The following ADGRL2 variants were observed in gnomAD, a reference collection of about 807,000 sequenced individuals.
ADGRL2 encodes the protein adhesion G protein-coupled receptor L2, also known as calcium-independent alpha-latrotoxin receptor 2.
In ADGRL2, 44 loss-of-function variants were observed where a neutral mutation model predicts 157.4. The observed-to-expected ratio is 0.28, with a 90% CI of 0.22 to 0.36. The LOEUF (loss-of-function observed/expected upper bound fraction) is 0.36. ADGRL2 is among the 10% of genes least tolerant of loss of function. The probability of loss-of-function intolerance (pLI) is 1.00; values close to 1 mark genes in which losing one functional copy is unlikely to be tolerated. For synonymous variants in ADGRL2, 585 were observed against 624.7 expected (o/e 0.94, Z 0.95); for missense variants, 1,510 against 1,768.9 (o/e 0.85, Z 2.63).
chr1:81,525,462 C>T (rs149611319), intron 2 of ADGRL2, among the ~76,000 whole-genome samples: 174 of 152,224 alleles, frequency 1.1e-3, no homozygotes, highest in Admixed American at 3.0e-3. Context: ...GGATTGCAGG[C>T]GTGTGCCACC....
chr1:81,593,886 G>T (rs1470940257), intron 3 of ADGRL2, among the ~76,000 whole-genome samples: 2 of 152,116 alleles, frequency 1.3e-5, no homozygotes, highest in Non-Finnish European at 2.9e-5. Context: ...AAGGTAAAAT[G>T]ATGCCTAAAT....
chr1:81,655,159 C>T (rs987759061), intron 3 of ADGRL2, among the ~76,000 whole-genome samples: 9 of 152,124 alleles, frequency 5.9e-5, no homozygotes, highest in Admixed American at 4.6e-4. Flanking sequence ...CCACCACTCT[C>T]GGCTAATTGT....
At chr1:81,462,165 C>T (rs2077947914) in intron 2 of ADGRL2, among the ~76,000 whole-genome samples, 1 of 151,894 alleles carries the variant, frequency 6.6e-6, no homozygotes, top group African/African-American at 2.4e-5. Flanking sequence ...GGACCAATCA[C>T]ACTCTGTAAG....
At chr1:81,777,159 T>C (rs993059656) in intron 2 of ADGRL2, among the ~76,000 whole-genome samples, 4 of 152,234 alleles carry the variant, frequency 2.6e-5, no homozygotes, top group Admixed American at 2.6e-4. Flanking sequence ...TGTAAAATAA[T>C]ACTTCCAGAA....
At chr1:81,499,726 C>T (rs988341812) in intron 2 of ADGRL2, among the ~76,000 whole-genome samples, 1 of 152,162 alleles carries the variant, frequency 6.6e-6, no homozygotes, top group Admixed American at 6.5e-5. Context: ...AAGCTTACCA[C>T]TGCTATAAAT....
At chr1:81,479,318 C>CA (rs752158155) in intron 2 of ADGRL2, among the ~76,000 whole-genome samples, 3,674 of 106,830 alleles carry the variant, frequency 0.034, 94 homozygotes, top group East Asian at 0.16. Flanking sequence ...ACTAAAAATA[C>CA]AAAAAAAAAA....
chr1:81,461,901 A>G (rs1162045171), intron 2 of ADGRL2, among the ~76,000 whole-genome samples: 1 of 127,626 alleles, frequency 7.8e-6, no homozygotes, highest in Non-Finnish European at 1.6e-5. Context: ...AATGGCTGAT[A>G]GTCTTCCAAA....
chr1:81,873,548 A>G (rs1368489871), intron 2 of ADGRL2, among the ~76,000 whole-genome samples: 1 of 152,112 alleles, frequency 6.6e-6, no homozygotes, highest in African/African-American at 2.4e-5. Context: ...AGCCTTTACA[A>G]GGTATATAGC....
chr1:81,361,488 T>C (rs955184960), intron 1 of ADGRL2, among the ~76,000 whole-genome samples: 1 of 151,856 alleles, frequency 6.6e-6, no homozygotes, highest in African/African-American at 2.4e-5. Context: ...GGTCAAAGCC[T>C]TGAGGAAGTC....
At chr1:81,710,963 A>G (rs1159251932) in intron 1 of ADGRL2, among the ~76,000 whole-genome samples, 1 of 152,088 alleles carries the variant, frequency 6.6e-6, no homozygotes, top group African/African-American at 2.4e-5. Context: ...TAGATCTTTA[A>G]CCAATATACT....
At chr1:81,408,704 GC>G (rs11300330) in intron 1 of ADGRL2, among the ~76,000 whole-genome samples, 61,652 of 151,910 alleles carry the variant, frequency 0.41, 12,598 homozygotes, top group East Asian at 0.49. Context: ...ATCTTTACCT[GC>G]CCAATGCACA....
chr1:81,334,940 G>T (rs17453329), intron 1 of ADGRL2, among the ~76,000 whole-genome samples: 19,565 of 152,122 alleles, frequency 0.13, 1,380 homozygotes, highest in African/African-American at 0.14. Flanking sequence ...CTTTGGTGTT[G>T]ATTAAATACA....
intron 1 of ADGRL2, among the ~76,000 whole-genome samples, chr1:81,714,920 T>G (rs2084060370): frequency 6.6e-6 from 1 of 152,062 alleles, no homozygotes; most frequent in Admixed American, 6.5e-5. Context: ...CCTTAATTTC[T>G]TTCCAGTAAA....
At chr1:81,925,358 A>G (rs2095079697) in intron 3 of ADGRL2, among the ~76,000 whole-genome samples, 1 of 152,032 alleles carries the variant, frequency 6.6e-6, no homozygotes, top group Admixed American at 6.6e-5. Context: ...TTTATAAATG[A>G]CATCAAATAT....
chr1:81,845,765 C>T (rs1438068335), intron 2 of ADGRL2, among the ~76,000 whole-genome samples: 1 of 150,800 alleles, frequency 6.6e-6, no homozygotes, highest in Non-Finnish European at 1.5e-5. Context: ...GTTTAATTTA[C>T]ACTGTTTAAA....
At chr1:81,321,127 A>C (rs1387432010) in intron 1 of ADGRL2, among the ~76,000 whole-genome samples, 1 of 152,190 alleles carries the variant, frequency 6.6e-6, no homozygotes, top group Middle Eastern at 3.2e-3. Context: ...GCTTCTTTCT[A>C]TAAACCTCAT....
chr1:81,374,578 G>A lies in ADGRL2; in HGVS notation c.-302+68069G>A, dbSNP rs6703943. 3.0e-3 allele frequency among the ~76,000 whole-genome samples: 392 copies of A among 130,068 alleles called. 1 individual carries two copies. The highest frequency in any genetic ancestry group is 4.0e-3 in the East Asian group (18 of 4,540). 85.3% of individuals were successfully genotyped at this position (130,068 alleles called of 152,430 possible). ...CAGAGTGAGACTCCATCTCAAAAAAGAAAAAAAAAACAAGTTGCCTTGCTA... is the reference window on the plus strand; with the variant it reads ...CAGAGTGAGACTCCATCTCAAAAAAAAAAAAAAAAACAAGTTGCCTTGCTA... On this transcript the variant is annotated intron_variant, in intron 1 of 24. Transcript: ENST00000370721.
intron 11 of ADGRL2, among the ~76,000 whole-genome samples, chr1:81,957,435 A>G (rs983955240): frequency 6.6e-6 from 1 of 152,222 alleles, no homozygotes; most frequent in African/African-American, 2.4e-5. Context: ...ACAGTGGCTC[A>G]TGCCTATAAT....
At chr1:81,958,357 C>T (rs1411109538) in intron 11 of ADGRL2, among the ~76,000 whole-genome samples, 1 of 151,974 alleles carries the variant, frequency 6.6e-6, no homozygotes, top group African/African-American at 2.4e-5. Context: ...CCCTGATTTA[C>T]TGTGAGGGAA....
Sources: gnomAD v4.1 joint callset for allele counts (sites outside exome capture counted in the v4.1 genomes callset) on GRCh38, gnomAD v4.1.1 for gene constraint, MANE v1.5 for transcripts, NCBI Gene and HGNC (gene_info 2026-07-23, HGNC 2026-07-21) for gene names.